The following CAMK2D variants were observed in gnomAD, a reference collection of about 807,000 sequenced individuals.
CAMK2D encodes the protein calcium/calmodulin-dependent protein kinase type II subunit delta.
CAMK2D carries 37 observed loss-of-function variants against 84.0 expected under a neutral mutation model. The ratio of observed to expected loss-of-function variants is 0.44; its 90% CI spans 0.34 to 0.58. The LOEUF (loss-of-function observed/expected upper bound fraction) is 0.58, where lower values mean the gene tolerates loss of function less well. Among genes scored for constraint, CAMK2D ranks in the 20% least tolerant of loss-of-function variants. CAMK2D has a pLI of 0.02. For synonymous variants in CAMK2D, 202 were observed against 212.5 expected (o/e 0.95, Z 0.43); for missense variants, 448 against 652.5 (o/e 0.69, Z 3.41).
At chr4:113,600,520 C>T (rs974936234) in intron 4 of CAMK2D, among the ~76,000 whole-genome samples, 1 of 152,020 alleles carries the variant, frequency 6.6e-6, no homozygotes, top group Non-Finnish European at 1.5e-5. Flanking sequence ...TTCAAAAAAT[C>T]CTATAGTCCA....
At chr4:113,724,938 C>G (rs932163536) in intron 2 of CAMK2D, among the ~76,000 whole-genome samples, 1 of 151,910 alleles carries the variant, frequency 6.6e-6, no homozygotes, top group Non-Finnish European at 1.5e-5. Flanking sequence ...AAATTCTTTG[C>G]CTTTTCAAAC....
intron 3 of CAMK2D, among the ~76,000 whole-genome samples, chr4:113,620,472 A>G (rs983777232): frequency 6.6e-6 from 1 of 152,118 alleles, no homozygotes; most frequent in Admixed American, 6.5e-5. Context: ...AAATTGCTTA[A>G]GATTCAAACT....
intron 3 of CAMK2D, among the ~76,000 whole-genome samples, chr4:113,649,848 G>T (rs1007990247): frequency 3.3e-5 from 5 of 152,194 alleles, no homozygotes; most frequent in African/African-American, 1.2e-4. Flanking sequence ...TTGGGAGGCC[G>T]AGGTGGGCAG....
At chr4:113,590,340 A>G (rs1467182799) in intron 4 of CAMK2D, among the ~76,000 whole-genome samples, 2 of 152,208 alleles carry the variant, frequency 1.3e-5, no homozygotes, top group Non-Finnish European at 2.9e-5. Flanking sequence ...AACATCAGGC[A>G]ATTAAATGGA....
chr4:113,457,286 C>A, intron 19 of CAMK2D, 49 bp downstream of exon 19: 1 of 1,604,534 alleles, frequency 6.2e-7, no homozygotes, highest in Non-Finnish European at 8.5e-7. Context: ...GTAGAAGGAG[C>A]TGACCATGGG....
At chr4:113,632,925 A>G (rs1370275346) in intron 3 of CAMK2D, among the ~76,000 whole-genome samples, 1 of 152,214 alleles carries the variant, frequency 6.6e-6, no homozygotes, top group Non-Finnish European at 1.5e-5. Flanking sequence ...CTGAGAAATA[A>G]TCTATTCCTA....
chr4:113,717,281 T>C (rs2099516472), intron 2 of CAMK2D, among the ~76,000 whole-genome samples: 1 of 152,136 alleles, frequency 6.6e-6, no homozygotes, highest in African/African-American at 2.4e-5. Context: ...ACAGTATCAA[T>C]AGCCAAAGAA....
At chr4:113,572,522 T>C (rs1186069183) in intron 4 of CAMK2D, among the ~76,000 whole-genome samples, 2 of 150,764 alleles carry the variant, frequency 1.3e-5, no homozygotes, top group African/African-American at 2.4e-5. Context: ...CCAACAATTA[T>C]ATGAAAAAAA....
chr4:113,731,269 C>T (rs1243255718), intron 2 of CAMK2D, among the ~76,000 whole-genome samples: 2 of 152,156 alleles, frequency 1.3e-5, no homozygotes, highest in Non-Finnish European at 1.5e-5. Flanking sequence ...GCAGGCCATT[C>T]ATTTTATAAC....
chr4:113,634,300 G>C (rs1413884153), intron 3 of CAMK2D, among the ~76,000 whole-genome samples: 1 of 152,168 alleles, frequency 6.6e-6, no homozygotes, highest in Non-Finnish European at 1.5e-5. Flanking sequence ...ATTTATTCAG[G>C]CTTGTCTGGG....
rs2099023328 is a variant in CAMK2D at position 113,616,856 on chromosome 4, T to G, written c.221-7650A>C. On this transcript the variant is annotated intron_variant, in intron 3 of 20. Coordinates refer to ENST00000511664, the MANE Select transcript of CAMK2D (RefSeq NM_001321571.2). ...TAATATCTGGAAACATTCTTTGTTTTCTTTGAAAAATAATTTGAGATTATC... is the reference window on the plus strand; with the variant it reads ...TAATATCTGGAAACATTCTTTGTTTGCTTTGAAAAATAATTTGAGATTATC... Among the ~76,000 whole-genome samples, 3 of 152,192 alleles carry G rather than the reference T, an allele frequency of 2.0e-5. No homozygotes were observed. In the South Asian group the frequency reaches 6.2e-4, roughly 31 times the overall value.
At chr4:113,718,068 C>T (rs1449491545) in intron 2 of CAMK2D, among the ~76,000 whole-genome samples, 5 of 152,014 alleles carry the variant, frequency 3.3e-5, no homozygotes, top group African/African-American at 1.2e-4. Context: ...ATTATAACTG[C>T]CCAATGGGTT....
intron 3 of CAMK2D, among the ~76,000 whole-genome samples, chr4:113,616,884 G>A (rs528040848): frequency 2.0e-5 from 3 of 152,190 alleles, no homozygotes; most frequent in Admixed American, 2.0e-4. Context: ...AGATTATCCT[G>A]TTGTATATTT....
chr4:113,677,068 C>T (rs948096937), intron 2 of CAMK2D, among the ~76,000 whole-genome samples: 1 of 152,174 alleles, frequency 6.6e-6, no homozygotes, highest in Non-Finnish European at 1.5e-5. Context: ...CCTTTAGAAC[C>T]TTTGTGCATG....
intron 4 of CAMK2D, among the ~76,000 whole-genome samples, chr4:113,604,387 CTT>C (rs759398948): frequency 1.3e-5 from 2 of 152,146 alleles, no homozygotes; most frequent in Non-Finnish European, 2.9e-5. Context: ...GTTATGCTCT[CTT>C]TTCAGTCATT....
intron 4 of CAMK2D, among the ~76,000 whole-genome samples, chr4:113,560,121 G>A (rs888689815): frequency 6.6e-6 from 1 of 151,492 alleles, no homozygotes; most frequent in African/African-American, 2.4e-5. Flanking sequence ...ACAAAGGAAG[G>A]GCTCAGGCTA....
Position 113,661,825 on chromosome 4 carries a change from C to T in CAMK2D, c.161-53G>A, listed in dbSNP as rs1456758456. ...AAAAATAAAGCAAAAAATAATAAAACACAATAAACAGCATAACAAAATGAC... is the reference window on the plus strand; with the variant it reads ...AAAAATAAAGCAAAAAATAATAAAATACAATAAACAGCATAACAAAATGAC... On this transcript the variant is annotated intron_variant, in intron 2 of 20. Transcript: ENST00000511664. 5 of 810,060 alleles carry T rather than the reference C, an allele frequency of 6.2e-6. No homozygotes were observed. In the East Asian group the frequency reaches 1.4e-4, roughly 22 times the overall value. The allele number at this position is 810,060 out of a possible 1,614,324, so 50.2% of individuals were successfully genotyped here. A position where few individuals can be genotyped will look rare whatever the true frequency, so the allele number is the denominator to read the frequency against.
chr4:113,465,999 C>T (rs1379932613), intron 16 of CAMK2D, among the ~76,000 whole-genome samples: 2 of 152,112 alleles, frequency 1.3e-5, no homozygotes, highest in Non-Finnish European at 2.9e-5. Context: ...TGCCTGTAAT[C>T]CCAGCACTTT....
At chr4:113,541,579 A>T (rs2098530144) in intron 6 of CAMK2D, among the ~76,000 whole-genome samples, 1 of 152,188 alleles carries the variant, frequency 6.6e-6, no homozygotes, top group Admixed American at 6.5e-5. Flanking sequence ...TATATGTAAA[A>T]TCATGTGTGT....
Sources: gnomAD v4.1 joint callset for allele counts (sites outside exome capture counted in the v4.1 genomes callset) on GRCh38, gnomAD v4.1.1 for gene constraint, MANE v1.5 for transcripts, NCBI Gene and HGNC (gene_info 2026-07-23, HGNC 2026-07-21) for gene names.